Variants in OLA1 observed in about 807,000 individuals in gnomAD.
The protein encoded by OLA1 is obg-like ATPase 1.
A neutral mutation model predicts 48.4 loss-of-function variants in OLA1; 14 were observed. The observed-to-expected ratio is 0.29, with a 90% CI of 0.19 to 0.45. The LOEUF (loss-of-function observed/expected upper bound fraction) is 0.45, where lower values mean the gene tolerates loss of function less well. Ranked by LOEUF, OLA1 falls within the 20% of genes least tolerant of loss-of-function variation. OLA1 has a pLI of 1.00. For synonymous variants in OLA1, 127 were observed against 150.4 expected, an observed-to-expected ratio of 0.84 and a Z score of 1.14; for missense variants, 325 against 467.1, an observed-to-expected ratio of 0.70 and a Z score of 2.80.
chr2:174,147,458 C>G (rs1172810132), intron 4 of OLA1, among the ~76,000 whole-genome samples: 2 of 151,970 alleles, frequency 1.3e-5, no homozygotes, highest in African/African-American at 4.8e-5. Flanking sequence ...AAATCAAGTC[C>G]ACCTAAGGCT....
At chr2:174,218,875 C>T (rs796669045) in intron 4 of OLA1, among the ~76,000 whole-genome samples, 6 of 152,058 alleles carry the variant, frequency 3.9e-5, no homozygotes, top group African/African-American at 1.2e-4. Flanking sequence ...AGCTGGAGTA[C>T]AGTGGTGCAA....
At chr2:174,150,294 A>AT (rs1183341624) in intron 4 of OLA1, among the ~76,000 whole-genome samples, 1 of 152,210 alleles carries the variant, frequency 6.6e-6, no homozygotes, top group African/African-American at 2.4e-5. Flanking sequence ...CCACCACCAT[A>AT]TGATGGCCTG....
At chr2:174,113,030 T>A (rs1685691829) in intron 7 of OLA1, among the ~76,000 whole-genome samples, 2 of 152,128 alleles carry the variant, frequency 1.3e-5, no homozygotes, top group Admixed American at 1.3e-4. Context: ...AACCTCCATC[T>A]CCCAGGCTCA....
At chr2:174,111,023 T>C (rs1447666421) in intron 7 of OLA1, among the ~76,000 whole-genome samples, 1 of 152,244 alleles carries the variant, frequency 6.6e-6, no homozygotes, top group African/African-American at 2.4e-5. Flanking sequence ...AGAATTATGA[T>C]AAATAAATTA....
intron 4 of OLA1, among the ~76,000 whole-genome samples, chr2:174,171,072 C>T (rs1687289667): frequency 6.6e-6 from 1 of 152,130 alleles, no homozygotes; most frequent in African/African-American, 2.4e-5. Flanking sequence ...ATAATATTCA[C>T]ATAAGGCATA....
In OLA1 at chr2:174,075,525, A is replaced by C. The variant is rs184880611; in HGVS notation, c.1092T>G (p.Ala364=). The C allele has an allele frequency of 4.6e-5, 74 of 1,597,662 alleles. No individual in the cohort carries two copies. Among genetic ancestry groups the C allele is most frequent in the Non-Finnish European group, 6.0e-5 (70 of 1,166,132 alleles). The change falls in exon 11 of 11, where the codon GCT becomes GCG. Residue 364 remains alanine (A), a splice_region_variant and synonymous_variant. Coordinates refer to ENST00000284719, the MANE Select transcript of OLA1 (RefSeq NM_013341.5). ...TGCCTTGTTGTCTGTACTTTCCAGC[A>C]GCCTGCAAACAGAAAATATAGAGGA... The part of the protein sequence containing the change: ...KEEGSENAVK[A]AGKYRQQGRN...
At chr2:174,127,948 T>C (rs1005278171) in intron 5 of OLA1, among the ~76,000 whole-genome samples, 1 of 151,866 alleles carries the variant, frequency 6.6e-6, no homozygotes, top group Admixed American at 6.6e-5. Flanking sequence ...ATTAAATATA[T>C]CATTATTCTA....
chr2:174,130,520 A>G (rs1686157344), intron 5 of OLA1, among the ~76,000 whole-genome samples: 1 of 152,198 alleles, frequency 6.6e-6, no homozygotes, highest in East Asian at 1.9e-4. Context: ...TCTGCAATAA[A>G]GTGGCAACCA....
intron 2 of OLA1, among the ~76,000 whole-genome samples, chr2:174,238,950 A>G (rs1226083025): frequency 6.6e-6 from 1 of 152,216 alleles, no homozygotes; most frequent in Non-Finnish European, 1.5e-5. Flanking sequence ...AATTAGAGTG[A>G]CAAAATAACA....
At position 174,191,532 on chromosome 2, in the gene OLA1, G is replaced by A. The variant is rs538226248; in HGVS notation, c.373+31501C>T. On this transcript the variant is annotated intron_variant, in intron 4 of 10. Transcript: ENST00000284719. ...TGCAGAGGTGAAATCACAGCTCACT[G>A]CAGCCTTGAACTACTGGGCTGAAGT... is the stretch of plus-strand genomic sequence containing the variant. Among the ~76,000 whole-genome samples, 29 of 151,890 alleles carry A rather than the reference G, an allele frequency of 1.9e-4. 1 individual carries two copies. The highest frequency in any genetic ancestry group is 4.6e-4 in the Admixed American group (7 of 15,270).
At chr2:174,233,255 G>T (rs1445045585) in intron 2 of OLA1, among the ~76,000 whole-genome samples, 1 of 152,054 alleles carries the variant, frequency 6.6e-6, no homozygotes. Flanking sequence ...TGTTCAATGG[G>T]TATACAGTTT....
Position 174,245,886 on chromosome 2 carries a change from T to C in OLA1, c.101+829A>G, listed in dbSNP as rs569575849. On this transcript the variant is annotated intron_variant, in intron 2 of 10. Transcript: ENST00000284719. ...TCCAGCCTGGGCAAAAGAGCAAGACTCCATCTCAAAAAAAAAGAAGACTTT... is the reference window on the plus strand; with the variant it reads ...TCCAGCCTGGGCAAAAGAGCAAGACCCCATCTCAAAAAAAAAGAAGACTTT... Among the ~76,000 whole-genome samples, 5 of 151,858 alleles carry C rather than the reference T, an allele frequency of 3.3e-5. No homozygotes were observed. In the South Asian group the frequency reaches 8.3e-4, roughly 25 times the overall value.
intron 7 of OLA1, among the ~76,000 whole-genome samples, chr2:174,094,325 C>T (rs143427894): frequency 6.6e-6 from 1 of 152,280 alleles, no homozygotes; most frequent in East Asian, 1.9e-4. Context: ...TGTGAGTAAA[C>T]TGAAAGACTT....
intron 7 of OLA1, among the ~76,000 whole-genome samples, chr2:174,098,637 T>C (rs1203975084): frequency 1.3e-5 from 2 of 152,136 alleles, no homozygotes; most frequent in Non-Finnish European, 2.9e-5. Context: ...ACAAGGGGGA[T>C]ACGGGCCATG....
intron 5 of OLA1, among the ~76,000 whole-genome samples, chr2:174,134,047 C>T (rs1408242063): frequency 1.3e-5 from 2 of 152,166 alleles, no homozygotes; most frequent in African/African-American, 2.4e-5. Flanking sequence ...ACCTTTTGTG[C>T]CTGGCTTCTT....
At chr2:174,163,714 ATATATATATATATATATATAT>A (rs564069036) in intron 4 of OLA1, among the ~76,000 whole-genome samples, 2 of 16,858 alleles carry the variant, frequency 1.2e-4, no homozygotes, top group African/African-American at 6.4e-4. Flanking sequence ...ATAAATAAAT[ATATATATATATATATATATAT>A]ATATATATAT....
At chr2:174,216,656 A>T (rs1453686344) in intron 4 of OLA1, among the ~76,000 whole-genome samples, 3 of 152,208 alleles carry the variant, frequency 2.0e-5, no homozygotes, top group East Asian at 1.9e-4. Context: ...GGGCTCAAGC[A>T]ATCCTCCTGC....
At chr2:174,166,339 TAGAC>T (rs948246681) in intron 4 of OLA1, among the ~76,000 whole-genome samples, 1 of 115,386 alleles carries the variant, frequency 8.7e-6, no homozygotes, top group African/African-American at 2.6e-5. Context: ...AGCAGTTTCT[TAGAC>T]AGATTGAGTT....
intron 2 of OLA1, among the ~76,000 whole-genome samples, chr2:174,244,220 G>A (rs996984624): frequency 6.6e-6 from 1 of 152,184 alleles, no homozygotes; most frequent in Non-Finnish European, 1.5e-5. Flanking sequence ...ACAGTTGTGT[G>A]AAGTAAGATC....
Sources: allele counts gnomAD v4.1 joint callset (sites outside exome capture counted in the v4.1 genomes callset), GRCh38; gene constraint gnomAD v4.1.1; transcripts MANE v1.5; gene names NCBI Gene and HGNC (gene_info 2026-07-23, HGNC 2026-07-21).